Variants in AGER observed in about 807,000 individuals in gnomAD.
AGER encodes advanced glycosylation end-product specific receptor.
AGER carries 46 observed loss-of-function variants against 48.8 expected under a neutral mutation model. The observed-to-expected ratio is 0.94, with a 90% CI of 0.74 to 1.20. The LOEUF (loss-of-function observed/expected upper bound fraction) is 1.20. AGER is among the 50% of genes most tolerant of loss of function. The pLI is 0.00. For synonymous variants in AGER, 170 were observed against 199.9 expected (o/e 0.85, Z 1.26); for missense variants, 489 against 515.0 (o/e 0.95, Z 0.49).
At position 32,182,412 on chromosome 6, in the gene AGER, A is replaced by G; in HGVS notation, c.823-24T>C. On this transcript the variant is annotated intron_variant, in intron 7 of 10. Transcript: ENST00000375076. The surrounding 1 kb of genome is among the most constrained non-coding windows in gnomAD (Gnocchi z 5.1). Reference sequence around the variant, plus strand: ...CCCTGGTGGGGGAAGGGGAGAGGAGACTATTTCAAAACCCTTGTCTTTTTG... The same window carrying G: ...CCCTGGTGGGGGAAGGGGAGAGGAGGCTATTTCAAAACCCTTGTCTTTTTG... The G allele has an allele frequency of 6.2e-7, 1 of 1,600,652 alleles. No homozygotes were observed. The highest frequency in any genetic ancestry group is 8.5e-7 in the Non-Finnish European group (1 of 1,172,944).
Position 32,183,041 on chromosome 6 carries a change from G to C in AGER, c.509-18C>G. The C allele has an allele frequency of 6.2e-7, 1 of 1,613,062 alleles. No individual in the cohort carries two copies. Among genetic ancestry groups the C allele is most frequent in the Non-Finnish European group, 8.5e-7 (1 of 1,179,990 alleles). On this transcript the variant is annotated intron_variant, in intron 5 of 10. Coordinates refer to ENST00000375076, the MANE Select transcript of AGER (RefSeq NM_001136.5). The stretch of plus-strand genomic sequence containing the variant: ...AGATACTCCTATGATGGGAGGATAA[G>C]ACAAATTATCCCAGGGTGGGTGTGG...
chr6:32,182,940 G>T lies in AGER; in HGVS notation c.592C>A (p.Arg198=), dbSNP rs368048335. The change falls in exon 6 of 11, where the codon CGG becomes AGG. Residue 198 remains arginine (R), a synonymous_variant. Coordinates refer to ENST00000375076, the MANE Select transcript of AGER (RefSeq NM_001136.5). This position sits in a 1 kb window ranked among gnomAD's most constrained non-coding sequence, Gnocchi z 5.1. The part of the protein sequence containing the change: ...LQSELMVTPA[R]GGDPRPTFSC... ...AAGGTGGGACGGGGATCTCCTCCCC[G>T]GGCTGGGGTCACCATTAGCTCCGAC... is the stretch of plus-strand genomic sequence containing the variant. The T allele has an allele frequency of 1.2e-5, 19 of 1,612,466 alleles. No homozygotes were observed. The highest frequency in any genetic ancestry group is 1.5e-5 in the Non-Finnish European group (18 of 1,179,812).
In AGER at chr6:32,183,193, T is replaced by C. The variant is rs1786570389; in HGVS notation, c.429A>G (p.Thr143=). 1.9e-6 allele frequency: 3 copies of C among 1,612,930 alleles called. No individual in the cohort carries two copies. The highest frequency in any genetic ancestry group is 2.5e-6 in the Non-Finnish European group (3 of 1,179,996). The change falls in exon 5 of 11, where the codon ACA becomes ACG. Residue 143 remains threonine, a synonymous_variant. Coordinates refer to ENST00000375076, the MANE Select transcript of AGER (RefSeq NM_001136.5). ...CAGGGTAGCTTCCCTCTGACACACA[T>C]GTCCCCACCTGGGGAAAGAGTGGTG... The part of the protein sequence containing the change: ...LTAGVPNKVG[T]CVSEGSYPAG...
rs1490164394 is a variant in AGER, at chr6:32,183,374, G to C, written c.370C>G (p.Pro124Ala). The C allele has an allele frequency of 6.2e-7, 1 of 1,613,094 alleles. No individual in the cohort carries two copies. Among genetic ancestry groups the C allele is most frequent in the Non-Finnish European group, 8.5e-7 (1 of 1,180,036 alleles). The change falls in exon 4 of 11, where the codon CCA becomes GCA. Residue 124 changes from proline (P) to alanine (A), a missense_variant. By Grantham distance (27) the Pro-to-Ala change is conservative. Coordinates refer to ENST00000375076, the MANE Select transcript of AGER (RefSeq NM_001136.5). ...RVRVYQIPGK[P>A]EIVDSASELT... The stretch of plus-strand genomic sequence containing the variant: ...TCAGAGGCAGAATCTACAATTTCTG[G>C]CTTCCCAGGAATCTCTGAAGGAGGA...
chr6:32,181,071 T>TGTTC lies in AGER; in HGVS notation c.*71_*72insGAAC. On this transcript the variant is annotated 3_prime_UTR_variant, in exon 11 of 11. Coordinates refer to ENST00000375076, the MANE Select transcript of AGER (RefSeq NM_001136.5). The surrounding 1 kb of genome is among the most constrained non-coding windows in gnomAD (Gnocchi z 4.1). ...AGGAGAGAGATTATACAGGAGAGAGTTGGTCTGAGGCCAGAACAGTTCAAG... is the reference window on the plus strand; with the variant it reads ...AGGAGAGAGATTATACAGGAGAGAGTGTTCTGGTCTGAGGCCAGAACAGTTCAAG... 1 of 1,483,718 alleles carries TGTTC rather than the reference T, an allele frequency of 6.7e-7. No individual in the cohort carries two copies. Among genetic ancestry groups the TGTTC allele is most frequent in the South Asian group, 1.1e-5 (1 of 88,248 alleles). The allele number at this position is 1,483,718 out of a possible 1,614,324, so 91.9% of individuals were successfully genotyped here. A position where few individuals can be genotyped will look rare whatever the true frequency, so the allele number is the denominator to read the frequency against.
chr6:32,183,300 A>C lies in AGER; in HGVS notation c.420+24T>G, dbSNP rs781566535. The C allele has an allele frequency of 3.1e-6, 5 of 1,613,160 alleles. No homozygotes were observed. In the South Asian group the frequency reaches 5.5e-5, roughly 18 times the overall value. ...CCTCCTGTTCACAGGGCCGTTTTCT[A>C]CTTCTCCTGCTTTCTTCCACTACCT... On this transcript the variant is annotated intron_variant, in intron 4 of 10. Transcript: ENST00000375076.
At position 32,182,960 on chromosome 6, in the gene AGER, TCC is replaced by T; in HGVS notation, c.570_571del (p.Glu191AlafsTer18). On this transcript the variant is annotated frameshift_variant, in exon 6 of 11. Transcript: ENST00000375076. LOFTEE classifies it high-confidence loss of function. The surrounding 1 kb of genome is among the most constrained non-coding windows in gnomAD (Gnocchi z 5.1). ...TCCCCGGGCTGGGGTCACCATTAGC[TCC>T]GACTGCAGTGTGAAGAGCCCTGTCT... 1 of 1,612,796 alleles carries T rather than the reference TCC, an allele frequency of 6.2e-7. No homozygotes were observed. Among genetic ancestry groups the T allele is most frequent in the Non-Finnish European group, 8.5e-7 (1 of 1,179,924 alleles).
chr6:32,183,745 T>C lies in AGER; in HGVS notation c.165A>G (p.Thr55=). The C allele has an allele frequency of 6.2e-7, 1 of 1,612,844 alleles. No individual in the cohort carries two copies. Among genetic ancestry groups the C allele is most frequent in the Non-Finnish European group, 8.5e-7 (1 of 1,179,904 alleles). The change falls in exon 3 of 11, where the codon ACA becomes ACG. Residue 55 remains threonine (T), a synonymous_variant. Transcript: ENST00000375076. ...PPQRLEWKLN[T]GRTEAWKVLS... ...GGACCTTCCAAGCTTCTGTCCGGCC[T>C]GTGTTCTAGAAGCAGAGAAGCAGGG...
chr6:32,184,012 G>A (rs1020975916), intron 1 of AGER, 25 bp from the exon 2 acceptor site: 1 of 1,612,984 alleles, frequency 6.2e-7, no homozygotes, highest in Non-Finnish European at 8.5e-7. Context: ...CATGGTAGAG[G>A]GGTAGGAAGG....
Position 32,182,636 on chromosome 6 carries a change from C to A in AGER, c.754G>T (p.Gly252Cys). The A allele has an allele frequency of 6.2e-7, 1 of 1,613,010 alleles. No homozygotes were observed. The highest frequency in any genetic ancestry group is 8.5e-7 in the Non-Finnish European group (1 of 1,179,974). The change falls in exon 7 of 11, where the codon GGT (glycine) becomes TGT (cysteine). Residue 252 changes from glycine to cysteine, a missense_variant. Gly to Cys is a radical substitution (Grantham distance 159). Coordinates refer to ENST00000375076, the MANE Select transcript of AGER (RefSeq NM_001136.5). The surrounding 1 kb of genome is among the most constrained non-coding windows in gnomAD (Gnocchi z 5.1). Reference protein sequence around the residue: ...VEPEGGAVAPGGTVTLTCEVP... With the variant: ...VEPEGGAVAPCGTVTLTCEVP... Reference sequence around the variant, plus strand: ...TCACAGGTCAGGGTTACGGTTCCACCAGGAGCTACTGCTCCACCTTCTGGC... The same window carrying A: ...TCACAGGTCAGGGTTACGGTTCCACAAGGAGCTACTGCTCCACCTTCTGGC...
At position 32,182,512 on chromosome 6, in the gene AGER, C is replaced by T. The variant is rs2127436420; in HGVS notation, c.822+56G>A. On this transcript the variant is annotated intron_variant, in intron 7 of 10. Coordinates refer to ENST00000375076, the MANE Select transcript of AGER (RefSeq NM_001136.5). This position sits in a 1 kb window ranked among gnomAD's most constrained non-coding sequence, Gnocchi z 5.1. ...TTTCCCTCGTTAGCCCTCTGCCCTC[C>T]CTGTTGCTAGTTATGGTTCACCCTA... 1.2e-6 allele frequency: 2 copies of T among 1,601,356 alleles called. No homozygotes were observed. The highest frequency in any genetic ancestry group is 2.2e-5 in the East Asian group (1 of 44,646).
In AGER at chr6:32,181,664, G is replaced by C. The variant is rs753856019; in HGVS notation, c.965-32C>G. 2.5e-6 allele frequency: 4 copies of C among 1,610,240 alleles called. No individual in the cohort carries two copies. The highest frequency in any genetic ancestry group is 2.5e-6 in the Non-Finnish European group (3 of 1,177,944). Reference sequence around the variant, plus strand: ...GACAAAGTTGGATCCAGTCAGAAAGGAAGACTTCGGGTTGAGAGAGGGTTA... The same window carrying C: ...GACAAAGTTGGATCCAGTCAGAAAGCAAGACTTCGGGTTGAGAGAGGGTTA... On this transcript the variant is annotated intron_variant, in intron 8 of 10. Transcript: ENST00000375076. The surrounding 1 kb of genome is among the most constrained non-coding windows in gnomAD (Gnocchi z 4.1).
Position 32,183,923 on chromosome 6 carries a change from C to T in AGER, c.117G>A (p.Lys39=), listed in dbSNP as rs1203233245. ...RIGEPLVLKC[K]GAPKKPPQRL... ...GCTGGGGTGGTTTCTTGGGGGCCCC[C>T]TTACACTTCAGCACCAGTGGCTCGC... Residue 39 remains lysine (K), a synonymous_variant, in exon 2 of 11, where the codon AAG becomes AAA. Coordinates refer to ENST00000375076, the MANE Select transcript of AGER (RefSeq NM_001136.5). 6.2e-7 allele frequency: 1 copy of T among 1,612,962 alleles called. No individual in the cohort carries two copies. Among genetic ancestry groups the T allele is most frequent in the Non-Finnish European group, 8.5e-7 (1 of 1,180,030 alleles).
Position 32,183,617 on chromosome 6 carries a change from C to G in AGER, c.293G>C (p.Arg98Pro), listed in dbSNP as rs777428643. Reference protein sequence around the residue: ...AVGIQDEGIFRCQAMNRNGKE... With the variant: ...AVGIQDEGIFPCQAMNRNGKE... ...TCCATTCCTGTTCATTGCCTGGCACCGGAAAATCCCCTCATCCTGGATCCC... is the reference window on the plus strand; with the variant it reads ...TCCATTCCTGTTCATTGCCTGGCACGGGAAAATCCCCTCATCCTGGATCCC... Residue 98 changes from arginine to proline, a missense_variant, in exon 3 of 11, where the codon CGG becomes CCG. Coordinates refer to ENST00000375076, the MANE Select transcript of AGER (RefSeq NM_001136.5). The G allele has an allele frequency of 1.9e-6, 3 of 1,612,926 alleles. No individual in the cohort carries two copies. Among genetic ancestry groups the G allele is most frequent in the Admixed American group, 3.3e-5 (2 of 60,012 alleles).
rs757705116 is a variant in AGER, at chr6:32,183,391, G to A, written c.356-3C>T. 1 of 1,612,960 alleles carries A rather than the reference G, an allele frequency of 6.2e-7. No homozygotes were observed. Among genetic ancestry groups the A allele is most frequent in the Non-Finnish European group, 8.5e-7 (1 of 1,179,898 alleles). ...AATTTCTGGCTTCCCAGGAATCTCTGAAGGAGGAAAAATCCAGTCAGAGGC... is the reference window on the plus strand; with the variant it reads ...AATTTCTGGCTTCCCAGGAATCTCTAAAGGAGGAAAAATCCAGTCAGAGGC... On this transcript the variant is annotated splice_polypyrimidine_tract_variant and splice_region_variant and intron_variant, in intron 3 of 10. Coordinates refer to ENST00000375076, the MANE Select transcript of AGER (RefSeq NM_001136.5).
In AGER at chr6:32,183,213, G is replaced by C; in HGVS notation, c.421-12C>G. The C allele has an allele frequency of 6.2e-7, 1 of 1,612,946 alleles. No homozygotes were observed. Among genetic ancestry groups the C allele is most frequent in the Non-Finnish European group, 8.5e-7 (1 of 1,179,888 alleles). On this transcript the variant is annotated splice_polypyrimidine_tract_variant and intron_variant, in intron 4 of 10. Coordinates refer to ENST00000375076, the MANE Select transcript of AGER (RefSeq NM_001136.5). Reference sequence around the variant, plus strand: ...ACACATGTCCCCACCTGGGGAAAGAGTGGTGACCTCAGAATCCTTTGAAAA... The same window carrying C: ...ACACATGTCCCCACCTGGGGAAAGACTGGTGACCTCAGAATCCTTTGAAAA...
At chr6:32,183,236 A>G (rs1199492364) in intron 4 of AGER, 35 bp from the exon 5 acceptor site, 3 of 1,612,586 alleles carry the variant, frequency 1.9e-6, no homozygotes, top group Admixed American at 3.3e-5. Context: ...AATCCTTTGA[A>G]AATGAGAGAT....
chr6:32,182,979 GC>G lies in AGER; in HGVS notation c.552del (p.Leu185SerfsTer8). 1 of 1,612,962 alleles carries G rather than the reference GC, an allele frequency of 6.2e-7. No homozygotes were observed. The highest frequency in any genetic ancestry group is 8.5e-7 in the Non-Finnish European group (1 of 1,179,994). On this transcript the variant is annotated frameshift_variant, in exon 6 of 11. Transcript: ENST00000375076. LOFTEE classifies it high-confidence loss of function. This position sits in a 1 kb window ranked among gnomAD's most constrained non-coding sequence, Gnocchi z 5.1. ...ATTAGCTCCGACTGCAGTGTGAAGAGCCCTGTCTCAGGGTGTCTCCTGGTCT... is the reference window on the plus strand; with the variant it reads ...ATTAGCTCCGACTGCAGTGTGAAGAGCCTGTCTCAGGGTGTCTCCTGGTCT... ...KEQTRRHPET[G>X]LFTLQSELMV...
rs770666915 is a variant in AGER at position 32,182,495 on chromosome 6, G to A, written c.822+73C>T. The A allele has an allele frequency of 1.9e-5, 31 of 1,595,390 alleles. No individual in the cohort carries two copies. Among genetic ancestry groups the A allele is most frequent in the African/African-American group, 2.7e-5 (2 of 74,414 alleles). ...TCAGCTCCTAGCCTGCCTTTCCCTC[G>A]TTAGCCCTCTGCCCTCCCTGTTGCT... On this transcript the variant is annotated intron_variant, in intron 7 of 10. Transcript: ENST00000375076. The surrounding 1 kb of genome is among the most constrained non-coding windows in gnomAD (Gnocchi z 5.1).
Sources: allele counts gnomAD v4.1 joint callset, GRCh38; gene constraint gnomAD v4.1.1; non-coding constraint Gnocchi (gnomAD v3.1); transcripts MANE v1.5; gene names NCBI Gene and HGNC (gene_info 2026-07-23, HGNC 2026-07-21).